SOCS7: variants seen among roughly 807,000 people sequenced by gnomAD.
SOCS7 encodes NAP-4.
Under a neutral mutation model 58.9 loss-of-function variants are expected in SOCS7, and 18 were observed. The observed-to-expected ratio is 0.31, with a 90% CI of 0.21 to 0.45. The LOEUF (loss-of-function observed/expected upper bound fraction) is 0.45. Ranked by LOEUF, SOCS7 falls within the 20% of genes least tolerant of loss-of-function variation. The pLI is 1.00. For missense variants in SOCS7, 667 were observed against 837.3 expected (o/e 0.80, Z 2.51); for synonymous variants, 388 against 364.3 (o/e 1.06, Z -0.74).
intron 7 of SOCS7, among the ~76,000 whole-genome samples, chr17:38,380,956 C>G (rs2037993052): frequency 6.6e-6 from 1 of 152,170 alleles, no homozygotes; most frequent in Admixed American, 6.6e-5. Context: ...AGTTAAGTTA[C>G]TTACTCTAAA....
At chr17:38,367,462 C>G (rs1299932917) in intron 5 of SOCS7, among the ~76,000 whole-genome samples, 2 of 152,152 alleles carry the variant, frequency 1.3e-5, no homozygotes, top group African/African-American at 4.8e-5. Context: ...CAACCTCCAC[C>G]TCCTGGGTTC....
rs182627923 is a variant in SOCS7, at chr17:38,368,966, A to G, written c.1552+916A>G. Among the ~76,000 whole-genome samples the G allele has an allele frequency of 1.5e-4, 23 of 152,294 alleles. No homozygotes were observed. The East Asian group carries it at 4.2e-3, about 28-fold the overall frequency. On this transcript the variant is annotated intron_variant, in intron 6 of 9. Transcript: ENST00000612932. The stretch of plus-strand genomic sequence containing the variant: ...ACCTCTTCCTTTGTGATCAGATGGT[A>G]CTTCATGTGCCAGTCATGCCTAGAA...
At chr17:38,387,932 G>T (rs2038101890) in intron 7 of SOCS7, among the ~76,000 whole-genome samples, 1 of 151,352 alleles carries the variant, frequency 6.6e-6, no homozygotes. Flanking sequence ...ACTACACCTG[G>T]CTAATTTTTT....
chr17:38,370,989 C>T (rs1056876721), intron 6 of SOCS7, among the ~76,000 whole-genome samples: 7 of 152,158 alleles, frequency 4.6e-5, no homozygotes, highest in South Asian at 2.1e-4. Flanking sequence ...CGGGCCTTTC[C>T]GTTACCAGTT....
At chr17:38,393,769 G>A (rs1019526743) in intron 7 of SOCS7, among the ~76,000 whole-genome samples, 15 of 151,890 alleles carry the variant, frequency 9.9e-5, no homozygotes, top group East Asian at 9.7e-4. Context: ...GCGTGGTGGT[G>A]GGTGCCTGTA....
At chr17:38,362,180 A>G (rs369692899) in intron 2 of SOCS7, among the ~76,000 whole-genome samples, 6 of 152,186 alleles carry the variant, frequency 3.9e-5, no homozygotes, top group African/African-American at 1.4e-4. Context: ...ATGATCCATG[A>G]TTATCTGGTC....
Position 38,377,705 on chromosome 17 carries a change from C to G in SOCS7, c.1553-9C>G. The G allele has an allele frequency of 6.3e-7, 1 of 1,593,978 alleles. No individual in the cohort carries two copies. Among genetic ancestry groups the G allele is most frequent in the Non-Finnish European group, 8.5e-7 (1 of 1,174,220 alleles). On this transcript the variant is annotated splice_polypyrimidine_tract_variant and intron_variant, in intron 6 of 9. Coordinates refer to ENST00000612932, the MANE Select transcript of SOCS7 (RefSeq NM_014598.4). ...TTTAAAATTTTTACTTCTTAATTTT[C>G]CATGGCAGGAACCTTCAGCCTGTGG... is the stretch of plus-strand genomic sequence containing the variant.
In SOCS7 at chr17:38,402,783, A is replaced by C. The variant is rs2038338986; in HGVS notation, c.*3301A>C. On this transcript the variant is annotated 3_prime_UTR_variant, in exon 10 of 10. Coordinates refer to ENST00000612932, the MANE Select transcript of SOCS7 (RefSeq NM_014598.4). ...GTATTTTCAAGTCACAAATTGGAAA[A>C]GGCTTACATCTAGGGACCCACTGTT... 6.6e-6 allele frequency: 1 copy of C among 152,170 alleles called. No individual in the cohort carries two copies. The highest frequency in any genetic ancestry group is 1.5e-5 in the Non-Finnish European group (1 of 68,034). The allele number at this position is 152,170 out of a possible 1,614,324, so 9.4% of individuals were successfully genotyped here. A position where few individuals can be genotyped will look rare whatever the true frequency, so the allele number is the denominator to read the frequency against.
intron 1 of SOCS7, among the ~76,000 whole-genome samples, chr17:38,355,664 G>A (rs951952213): frequency 6.6e-6 from 1 of 152,178 alleles, no homozygotes; most frequent in Non-Finnish European, 1.5e-5. Flanking sequence ...GGCTTCTATA[G>A]TCTTTGCTGT....
chr17:38,389,857 G>GTGTGTATATATATATATA (rs550603944), intron 7 of SOCS7, among the ~76,000 whole-genome samples: 294 of 3,152 alleles, frequency 0.093, 7 homozygotes, highest in African/African-American at 0.16. Flanking sequence ...TGTTTGGTGT[G>GTGTGTATATATATATATA]TATGTGTGTA....
Position 38,400,783 on chromosome 17 carries a change from G to C in SOCS7, c.*1301G>C, listed in dbSNP as rs41350045. 5.5e-3 allele frequency: 834 copies of C among 152,314 alleles called. 1 individual carries two copies. Among genetic ancestry groups the C allele is most frequent in the Non-Finnish European group, 8.1e-3 (554 of 68,036 alleles). The allele number at this position is 152,314 out of a possible 1,614,324, so 9.4% of individuals were successfully genotyped here. A position where few individuals can be genotyped will look rare whatever the true frequency, so the allele number is the denominator to read the frequency against. On this transcript the variant is annotated 3_prime_UTR_variant, in exon 10 of 10. Coordinates refer to ENST00000612932, the MANE Select transcript of SOCS7 (RefSeq NM_014598.4). ...GAGAGCTGCCTGTCCCTGCTTTCAG[G>C]AGGAGCGGGGAGAAAAACTCCAATG...
In SOCS7 at chr17:38,398,813, C is replaced by G. The variant is rs966415442; in HGVS notation, c.*31-700C>G. ...GCTGCAGAAATACAGAGCTCTCTGG[C>G]CAGGTGTGATGGTTCACGTCTGTAA... On this transcript the variant is annotated intron_variant, in intron 9 of 9. Transcript: ENST00000612932. 2.0e-5 allele frequency among the ~76,000 whole-genome samples: 3 copies of G among 152,132 alleles called. No homozygotes were observed. The East Asian group carries it at 5.8e-4, about 29-fold the overall frequency.
rs948300889 is a variant in SOCS7 at position 38,400,955 on chromosome 17, A to C, written c.*1473A>C. ...TTCATGACTCCTTTGCGTGTGTTCCATGGGACTCTCTTTCTGGGTTCCCCA... is the reference window on the plus strand; with the variant it reads ...TTCATGACTCCTTTGCGTGTGTTCCCTGGGACTCTCTTTCTGGGTTCCCCA... On this transcript the variant is annotated 3_prime_UTR_variant, in exon 10 of 10. Transcript: ENST00000612932. The C allele has an allele frequency of 1.3e-5, 2 of 152,332 alleles. No individual in the cohort carries two copies. The highest frequency in any genetic ancestry group is 2.4e-5 in the African/African-American group (1 of 41,558). 9.4% of individuals were successfully genotyped at this position (152,332 alleles called of 1,614,324 possible). A position where few individuals can be genotyped will look rare whatever the true frequency, so the allele number is the denominator to read the frequency against.
chr17:38,383,285 A>G (rs1402559038), intron 7 of SOCS7, among the ~76,000 whole-genome samples: 1 of 152,138 alleles, frequency 6.6e-6, no homozygotes, highest in Non-Finnish European at 1.5e-5. Flanking sequence ...ACTCATGTAA[A>G]ATATTTAAGA....
At chr17:38,380,325 T>C (rs2037984525) in intron 7 of SOCS7, among the ~76,000 whole-genome samples, 1 of 152,122 alleles carries the variant, frequency 6.6e-6, no homozygotes, top group Non-Finnish European at 1.5e-5. Context: ...TTAGGTAATA[T>C]AGATCAATCT....
intron 3 of SOCS7, 36 bp from the exon 4 acceptor site, chr17:38,365,272 C>T: frequency 3.2e-5 from 48 of 1,514,806 alleles, no homozygotes; most frequent in Non-Finnish European, 4.4e-5. Context: ...TCTGTGCTCA[C>T]ATTTCTGAAC....
chr17:38,359,344 A>G (rs2037684206), intron 1 of SOCS7, among the ~76,000 whole-genome samples: 1 of 152,126 alleles, frequency 6.6e-6, no homozygotes, highest in African/African-American at 2.4e-5. Context: ...ATTCATAGTG[A>G]GCGTGATCAT....
chr17:38,360,970 C>T (rs1406743355), intron 1 of SOCS7, among the ~76,000 whole-genome samples: 1 of 152,216 alleles, frequency 6.6e-6, no homozygotes, highest in East Asian at 1.9e-4. Flanking sequence ...GCTGAAAAGC[C>T]ACTTGAAAGT....
At chr17:38,364,965 AT>A in intron 3 of SOCS7, 109 bp downstream of exon 3, 2 of 771,612 alleles carry the variant, frequency 2.6e-6, no homozygotes. Flanking sequence ...TGATGACTCA[AT>A]TATTTCCCAG....
Sources: allele counts gnomAD v4.1 joint callset (sites outside exome capture counted in the v4.1 genomes callset), GRCh38; gene constraint gnomAD v4.1.1; transcripts MANE v1.5; gene names NCBI Gene and HGNC (gene_info 2026-07-23, HGNC 2026-07-21).